TOP1: variants seen among roughly 807,000 people sequenced by gnomAD.
The protein encoded by TOP1 is DNA topoisomerase 1.
A neutral mutation model predicts 111.1 loss-of-function variants in TOP1; 10 were observed. That is an observed-to-expected ratio of 0.09 (90% CI 0.06 to 0.15). The LOEUF is 0.15. Among genes scored for constraint, TOP1 ranks in the 10% least tolerant of loss-of-function variants. The pLI is 1.00. For missense variants in TOP1, 474 were observed against 926.7 expected (o/e 0.51, Z 6.34); for synonymous variants, 271 against 302.9 (o/e 0.89, Z 1.10).
rs962198511 is a variant in TOP1, at chr20:41,061,070, A to G, written c.59-324A>G. Among the ~76,000 whole-genome samples the G allele has an allele frequency of 1.1e-4, 17 of 152,216 alleles. No homozygotes were observed. Among genetic ancestry groups the G allele is most frequent in the African/African-American group, 3.9e-4 (16 of 41,464 alleles). On this transcript the variant is annotated intron_variant, in intron 2 of 20. Transcript: ENST00000361337. This position sits in a 1 kb window ranked among gnomAD's most constrained non-coding sequence, Gnocchi z 4.6. The stretch of plus-strand genomic sequence containing the variant: ...ATCTTTAGAGTCAGTGTTCAATACT[A>G]TCCCTTTGTTATCATTTATAGGTCA...
chr20:41,072,321 T>G, intron 3 of TOP1: 1 of 985,388 alleles, frequency 1.0e-6, no homozygotes, highest in Non-Finnish European at 1.2e-6. Flanking sequence ...AGCCAGCAAA[T>G]GAACTTTCTG....
chr20:41,085,770 C>G (rs1375319213), intron 8 of TOP1, among the ~76,000 whole-genome samples: 2 of 152,172 alleles, frequency 1.3e-5, no homozygotes, highest in African/African-American at 4.8e-5. Context: ...TTGATGTCCA[C>G]AGCACCTCTG....
intron 2 of TOP1, among the ~76,000 whole-genome samples, chr20:41,060,671 C>T (rs962247682): frequency 4.6e-5 from 7 of 152,182 alleles, no homozygotes; most frequent in African/African-American, 1.7e-4. Flanking sequence ...ACCACCCCAC[C>T]CCCTGTCCCT....
In TOP1 at chr20:41,029,021, C is replaced by A; in HGVS notation, c.-47C>A. Reference sequence around the variant, plus strand: ...ACAGGCCGGTTCGCCGTCTGCGTCTCCCCCACGCCGCCTCGCCTGCCGCCG... The same window carrying A: ...ACAGGCCGGTTCGCCGTCTGCGTCTACCCCACGCCGCCTCGCCTGCCGCCG... On this transcript the variant is annotated 5_prime_UTR_variant, in exon 1 of 21. Transcript: ENST00000361337. This position sits in a 1 kb window ranked among gnomAD's most constrained non-coding sequence, Gnocchi z 6.1. The A allele has an allele frequency of 6.6e-7, 1 of 1,526,272 alleles. No individual in the cohort carries two copies. The highest frequency in any genetic ancestry group is 8.8e-7 in the Non-Finnish European group (1 of 1,137,256). 94.5% of individuals were successfully genotyped at this position (1,526,272 alleles called of 1,614,324 possible). A position where few individuals can be genotyped will look rare whatever the true frequency, so the allele number is the denominator to read the frequency against.
chr20:41,090,585 C>T (rs1416866773), intron 8 of TOP1, among the ~76,000 whole-genome samples: 1 of 152,064 alleles, frequency 6.6e-6, no homozygotes, highest in Non-Finnish European at 1.5e-5. Context: ...TCACTGCAAC[C>T]TTCACCTCCC....
rs560239903 is a variant in TOP1 at position 41,058,247 on chromosome 20, C to G, written c.59-3147C>G. Among the ~76,000 whole-genome samples the G allele has an allele frequency of 6.6e-6, 1 of 152,316 alleles. No individual in the cohort carries two copies. The highest frequency in any genetic ancestry group is 2.1e-4 in the South Asian group (1 of 4,828). On this transcript the variant is annotated intron_variant, in intron 2 of 20. Coordinates refer to ENST00000361337, the MANE Select transcript of TOP1 (RefSeq NM_003286.4). This position sits in a 1 kb window ranked among gnomAD's most constrained non-coding sequence, Gnocchi z 4.2. ...CCAGTCATGGGATGAAGACACATTG[C>G]CTATGCATTATTAATTGATTGCTAT...
At chr20:41,064,933 C>G (rs2056411508) in intron 3 of TOP1, among the ~76,000 whole-genome samples, 1 of 152,000 alleles carries the variant, frequency 6.6e-6, no homozygotes, top group Non-Finnish European at 1.5e-5. Flanking sequence ...GAGACGGAGT[C>G]TTACTCTGTT....
intron 13 of TOP1, among the ~76,000 whole-genome samples, chr20:41,107,360 A>T (rs2145958708): frequency 6.6e-6 from 1 of 152,254 alleles, no homozygotes; most frequent in Non-Finnish European, 1.5e-5. Context: ...TTTTCAATCT[A>T]GACATCTTTT....
intron 3 of TOP1, chr20:41,072,592 A>G (rs1313020400): frequency 1.0e-6 from 1 of 985,220 alleles, no homozygotes; most frequent in Non-Finnish European, 1.2e-6. Flanking sequence ...TACTTCCTTC[A>G]GGCACATTCC....
rs147987250 is a variant in TOP1 at position 41,089,771 on chromosome 20, G to T, written c.615-2701G>T. Among the ~76,000 whole-genome samples, 1,040 of 152,078 alleles carry T rather than the reference G, an allele frequency of 6.8e-3. 12 individuals carry two copies. The highest frequency in any genetic ancestry group is 0.023 in the East Asian group (117 of 5,168). On this transcript the variant is annotated intron_variant, in intron 8 of 20. Transcript: ENST00000361337. ...ACGTTCCTACCAGGACCACACGAGG[G>T]TGCTAGCTTCCCTACACCTTCACCA...
In TOP1 at chr20:41,067,048, C is replaced by G. The variant is rs1479106087; in HGVS notation, c.155+5558C>G. Among the ~76,000 whole-genome samples the G allele has an allele frequency of 6.6e-6, 1 of 152,148 alleles. No individual in the cohort carries two copies. The highest frequency in any genetic ancestry group is 2.4e-5 in the African/African-American group (1 of 41,418). ...GTTGTAAGCAAACTTTTAAGTACTT[C>G]TTGTTTTGATGTCTACTGACACAGT... On this transcript the variant is annotated intron_variant, in intron 3 of 20. Transcript: ENST00000361337. The surrounding 1 kb of genome is among the most constrained non-coding windows in gnomAD (Gnocchi z 4.0).
At chr20:41,103,992 T>C (rs139535681) in intron 13 of TOP1, among the ~76,000 whole-genome samples, 329 of 152,288 alleles carry the variant, frequency 2.2e-3, no homozygotes, top group African/African-American at 7.4e-3. Flanking sequence ...GATTTACATA[T>C]AATGCCTGTA....
intron 2 of TOP1, among the ~76,000 whole-genome samples, chr20:41,041,587 C>G (rs1418733379): frequency 6.6e-6 from 1 of 152,122 alleles, no homozygotes; most frequent in African/African-American, 2.4e-5. Flanking sequence ...GAGAGCTTAA[C>G]AGTAAGTTTT....
At chr20:41,052,699 A>G (rs2033419920) in intron 2 of TOP1, among the ~76,000 whole-genome samples, 1 of 151,572 alleles carries the variant, frequency 6.6e-6, no homozygotes, top group African/African-American at 2.4e-5. Flanking sequence ...TTTTTAAAAG[A>G]AAAAAAAAGG....
chr20:41,107,227 A>G (rs2034160616), intron 13 of TOP1, among the ~76,000 whole-genome samples: 1 of 152,214 alleles, frequency 6.6e-6, no homozygotes, highest in Non-Finnish European at 1.5e-5. Context: ...TTATAGATAG[A>G]CTTTTAATCT....
intron 11 of TOP1, among the ~76,000 whole-genome samples, chr20:41,099,341 T>C (rs1489619966): frequency 8.5e-5 from 13 of 152,234 alleles, no homozygotes; most frequent in Non-Finnish European, 1.9e-4. Context: ...AAAAGATCAC[T>C]TTGGAGCTTT....
Position 41,098,109 on chromosome 20 carries a change from C to T in TOP1, c.853-106C>T. 2 of 1,203,246 alleles carry T rather than the reference C, an allele frequency of 1.7e-6. No homozygotes were observed. Among genetic ancestry groups the T allele is most frequent in the Non-Finnish European group, 2.4e-6 (2 of 828,920 alleles). 74.5% of individuals were successfully genotyped at this position (1,203,246 alleles called of 1,614,324 possible). On this transcript the variant is annotated intron_variant, in intron 10 of 20. Coordinates refer to ENST00000361337, the MANE Select transcript of TOP1 (RefSeq NM_003286.4). This position sits in a 1 kb window ranked among gnomAD's most constrained non-coding sequence, Gnocchi z 5.7. ...AATTGAGATTGGCTACTTCCAGAAA[C>T]CTTTGACTGAAAAAATGGTGCTTGG...
chr20:41,077,672 C>T (rs2033744911), intron 5 of TOP1, 35 bp downstream of exon 5: 1 of 1,596,974 alleles, frequency 6.3e-7, no homozygotes, highest in Non-Finnish European at 8.6e-7. Flanking sequence ...TTCCCTTTCT[C>T]TGGGTGGACA....
At chr20:41,087,830 T>C (rs561646996) in intron 8 of TOP1, among the ~76,000 whole-genome samples, 1 of 152,346 alleles carries the variant, frequency 6.6e-6, no homozygotes, top group Admixed American at 6.5e-5. Flanking sequence ...TTTTCCACCT[T>C]TCCCCCTTCA....
Sources: allele counts gnomAD v4.1 joint callset (sites outside exome capture counted in the v4.1 genomes callset), GRCh38; gene constraint gnomAD v4.1.1; non-coding constraint Gnocchi (gnomAD v3.1); transcripts MANE v1.5; gene names NCBI Gene and HGNC (gene_info 2026-07-23, HGNC 2026-07-21).